ACOT12: variants seen among roughly 807,000 people sequenced by gnomAD.
ACOT12 encodes the protein acetyl-coenzyme A thioesterase.
In ACOT12, 51 loss-of-function variants were observed where a neutral mutation model predicts 67.7. The ratio of observed to expected loss-of-function variants is 0.75; its 90% confidence interval spans 0.60 to 0.95. ACOT12 has a LOEUF of 0.95. ACOT12 is among the 40% of genes least tolerant of loss of function. ACOT12 has a pLI of 0.00. For synonymous variants in ACOT12, 251 were observed against 244.6 expected (o/e 1.03, Z -0.24); for missense variants, 734 against 708.1 (o/e 1.04, Z -0.41).
At chr5:81,375,621 C>G (rs1312261930) in intron 2 of ACOT12, among the ~76,000 whole-genome samples, 1 of 145,478 alleles carries the variant, frequency 6.9e-6, no homozygotes, top group African/African-American at 2.6e-5. Flanking sequence ...TACATAGGCT[C>G]AAAATAAAGG....
chr5:81,338,485 C>T (rs1001063679), intron 11 of ACOT12, among the ~76,000 whole-genome samples: 1 of 152,188 alleles, frequency 6.6e-6, no homozygotes, highest in Non-Finnish European at 1.5e-5. Flanking sequence ...TTCCTCTTCA[C>T]CTTCTGCCAC....
intron 11 of ACOT12, among the ~76,000 whole-genome samples, chr5:81,336,693 C>T (rs1414849602): frequency 1.3e-5 from 2 of 152,130 alleles, no homozygotes; most frequent in African/African-American, 4.8e-5. Context: ...TTATCTCTTT[C>T]AGGATACTTT....
intron 11 of ACOT12, 131 bp downstream of exon 11, chr5:81,342,541 T>C: frequency 1.1e-6 from 1 of 883,946 alleles, no homozygotes; most frequent in East Asian, 2.5e-5. Flanking sequence ...GATGGTTGCG[T>C]CTTAGAAACA....
chr5:81,316,747 T>A, the ACOT12 span, among the ~76,000 whole-genome samples: 2,212 of 152,344 alleles, frequency 0.015, 45 homozygotes, highest in Non-Finnish European at 0.017. Flanking sequence ...ATTTTTGTCA[T>A]CCCAGTGGGT....
intron 13 of ACOT12, 21 bp downstream of exon 13, chr5:81,332,456 A>T: frequency 6.2e-7 from 1 of 1,613,176 alleles, no homozygotes. Flanking sequence ...TTAATAGAAC[A>T]CTTGGACTGC....
At chr5:81,314,616 A>G in the ACOT12 span, among the ~76,000 whole-genome samples, 1 of 152,126 alleles carries the variant, frequency 6.6e-6, no homozygotes, top group Non-Finnish European at 1.5e-5. Flanking sequence ...AAGGCAAACA[A>G]TTTATTCATT....
chr5:81,343,982 A>G, intron 9 of ACOT12, 101 bp from the exon 10 acceptor site: 3 of 1,264,980 alleles, frequency 2.4e-6, no homozygotes, highest in Non-Finnish European at 3.4e-6. Flanking sequence ...AGCCATGGAT[A>G]TCAGTGGAAC....
chr5:81,370,497 T>C (rs1472913181), intron 3 of ACOT12, among the ~76,000 whole-genome samples: 2 of 152,262 alleles, frequency 1.3e-5, no homozygotes, highest in East Asian at 3.9e-4. Flanking sequence ...AGGCCCCTAA[T>C]CCAATATGAC....
Position 81,339,092 on chromosome 5 carries a change from T to C in ACOT12, c.1129-3191A>G, listed in dbSNP as rs571666517. Among the ~76,000 whole-genome samples the C allele has an allele frequency of 1.5e-4, 23 of 152,194 alleles. No individual in the cohort carries two copies. In the South Asian group the frequency reaches 4.8e-3, roughly 32 times the overall value. On this transcript the variant is annotated intron_variant, in intron 11 of 14. Transcript: ENST00000307624. The stretch of plus-strand genomic sequence containing the variant: ...AGACTCTATCTCAAAAAACAAACAG[T>C]ACAAGAGGAAACAACTAAAAATTTG...
chr5:81,385,801 G>T lies in ACOT12; in HGVS notation c.153C>A (p.Cys51Ter), dbSNP rs754771643. 1.2e-5 allele frequency: 20 copies of T among 1,613,864 alleles called. No individual in the cohort carries two copies. The Admixed American group carries it at 3.0e-4, about 24-fold the overall frequency. Residue 51 changes from cysteine to a stop codon, truncating the protein, a stop_gained, in exon 2 of 15, where the codon TGC (cysteine) becomes TGA (stop). Transcript: ENST00000307624. LOFTEE classifies it high-confidence loss of function. ...GTATGTCATCCACTGAGGCTGTAAC[G>T]CAGGAAACTCCAGCATGTTTCTCAG... ...LAAEKHAGVS[C>*]VTASVDDIQF...
intron 6 of ACOT12, among the ~76,000 whole-genome samples, 167 bp downstream of exon 6, chr5:81,347,607 T>C (rs1428519786): frequency 6.6e-6 from 1 of 152,204 alleles, no homozygotes; most frequent in Non-Finnish European, 1.5e-5. Context: ...AAAGGACAGA[T>C]TAATCCTAAA....
intron 5 of ACOT12, among the ~76,000 whole-genome samples, chr5:81,357,748 G>A (rs1474715815): frequency 6.6e-6 from 1 of 152,160 alleles, no homozygotes; most frequent in African/African-American, 2.4e-5. Context: ...ACTCACACCT[G>A]TAACCCCAGC....
chr5:81,382,056 G>A (rs1436473385), intron 2 of ACOT12, among the ~76,000 whole-genome samples: 3 of 152,012 alleles, frequency 2.0e-5, no homozygotes, highest in Non-Finnish European at 2.9e-5. Flanking sequence ...AATCAAATAA[G>A]TTTATGTCTT....
intron 1 of ACOT12, among the ~76,000 whole-genome samples, chr5:81,390,589 C>T (rs1309375837): frequency 1.3e-5 from 2 of 151,046 alleles, no homozygotes; most frequent in African/African-American, 4.9e-5. Flanking sequence ...CTGCAATCTC[C>T]ACCTCCCAGA....
At chr5:81,374,552 G>A (rs1303549118) in intron 2 of ACOT12, among the ~76,000 whole-genome samples, 2 of 152,098 alleles carry the variant, frequency 1.3e-5, no homozygotes, top group African/African-American at 4.8e-5. Context: ...CCAAGCTAAA[G>A]GAGCATGTTC....
intron 1 of ACOT12, among the ~76,000 whole-genome samples, chr5:81,389,839 TC>T (rs1760818665): frequency 6.7e-6 from 1 of 148,502 alleles, no homozygotes; most frequent in Non-Finnish European, 1.5e-5. Context: ...TATTAGTTTT[TC>T]TTGATGTTCT....
At chr5:81,365,250 C>T (rs1297448956) in intron 3 of ACOT12, among the ~76,000 whole-genome samples, 3 of 152,096 alleles carry the variant, frequency 2.0e-5, no homozygotes, top group Admixed American at 6.6e-5. Context: ...AAAGAATATC[C>T]GTATCTGTAT....
At chr5:81,346,033 GA>G in intron 6 of ACOT12, 29 bp from the exon 7 acceptor site, 2 of 1,608,420 alleles carry the variant, frequency 1.2e-6, no homozygotes, top group Non-Finnish European at 1.7e-6. Context: ...GGAGAGAGAA[GA>G]AAGCGATCAC....
At chr5:81,354,939 G>C (rs1759664981) in intron 5 of ACOT12, among the ~76,000 whole-genome samples, 1 of 152,112 alleles carries the variant, frequency 6.6e-6, no homozygotes, top group Admixed American at 6.5e-5. Context: ...TGATCCGCCT[G>C]CCTCAGCCTC....
Sources: allele counts gnomAD v4.1 joint callset (sites outside exome capture counted in the v4.1 genomes callset), GRCh38; gene constraint gnomAD v4.1.1; transcripts MANE v1.5; gene names NCBI Gene and HGNC (gene_info 2026-07-23, HGNC 2026-07-21).